The following AGBL1 variants were observed in gnomAD, a reference collection of about 807,000 sequenced individuals.
AGBL1 encodes the protein AGBL carboxypeptidase 1.
In AGBL1, 130 loss-of-function variants were observed where a neutral mutation model predicts 118.9. The observed-to-expected ratio is 1.09, with a 90% CI of 0.95 to 1.26. AGBL1 has a LOEUF of 1.26. Ranked by LOEUF, AGBL1 falls within the 50% of genes most tolerant of loss-of-function variation. The pLI is 0.00. For missense variants in AGBL1, 1,584 were observed against 1,298.1 expected (o/e 1.22, Z -3.38); for synonymous variants, 555 against 478.9 (o/e 1.16, Z -2.08).
chr15:86,845,396 C>T (rs2079304253), intron 22 of AGBL1, among the ~76,000 whole-genome samples: 1 of 152,038 alleles, frequency 6.6e-6, no homozygotes, highest in African/African-American at 2.4e-5. Context: ...CTATTGTTTA[C>T]CGTATGAACT....
intron 22 of AGBL1, among the ~76,000 whole-genome samples, chr15:86,688,676 A>G (rs540457486): frequency 2.0e-5 from 3 of 152,298 alleles, no homozygotes; most frequent in Admixed American, 6.5e-5. Flanking sequence ...GAAATGTTCA[A>G]ACAAACCTGA....
chr15:86,182,420 A>G (rs1418609009), intron 5 of AGBL1, among the ~76,000 whole-genome samples: 1 of 152,010 alleles, frequency 6.6e-6, no homozygotes, highest in Non-Finnish European at 1.5e-5. Context: ...TCTCCCACAA[A>G]GTATCTAACT....
At chr15:86,954,763 T>C (rs2080913875) in intron 23 of AGBL1, among the ~76,000 whole-genome samples, 1 of 152,202 alleles carries the variant, frequency 6.6e-6, no homozygotes, top group Non-Finnish European at 1.5e-5. Flanking sequence ...TACACCCATG[T>C]AACAATCATG....
intron 22 of AGBL1, among the ~76,000 whole-genome samples, chr15:86,718,536 TAAGAA>T (rs1282475467): frequency 6.6e-6 from 1 of 151,422 alleles, no homozygotes; most frequent in African/African-American, 2.4e-5. Context: ...AGTGTAATAA[TAAGAA>T]AAAAACCATC....
At chr15:86,296,760 C>T (rs1357081996) in intron 17 of AGBL1, 2 of 152,168 alleles carry the variant, frequency 1.3e-5, no homozygotes, top group African/African-American at 2.4e-5. Flanking sequence ...ATTTCTGTAA[C>T]AGTCACAGAG....
In AGBL1 at chr15:86,141,891, G is replaced by A. The variant is rs2076968283; in HGVS notation, c.52-113G>A. 7 of 1,097,132 alleles carry A rather than the reference G, an allele frequency of 6.4e-6. No homozygotes were observed. In the South Asian group the frequency reaches 9.7e-5, roughly 15 times the overall value. 68.0% of individuals were successfully genotyped at this position (1,097,132 alleles called of 1,614,324 possible). On this transcript the variant is annotated intron_variant, in intron 1 of 22. Coordinates refer to ENST00000614907, the MANE Select transcript of AGBL1 (RefSeq NM_001386094.1). ...TCCCCTTGCCTGTCCTTTCGCTGTAGTTAATCTTTCTCCATGACAGGAAGT... is the reference window on the plus strand; with the variant it reads ...TCCCCTTGCCTGTCCTTTCGCTGTAATTAATCTTTCTCCATGACAGGAAGT...
chr15:86,476,995 G>A (rs1671388547), intron 18 of AGBL1, among the ~76,000 whole-genome samples: 1 of 152,146 alleles, frequency 6.6e-6, no homozygotes, highest in African/African-American at 2.4e-5. Context: ...GTTACATAAT[G>A]AAATGAAGGC....
chr15:86,138,184 C>T (rs150421665), intron 1 of AGBL1: 1 of 152,252 alleles, frequency 6.6e-6, no homozygotes, highest in Non-Finnish European at 1.5e-5. Context: ...ATACTGCAGA[C>T]AGATTCATCC....
At chr15:86,231,177 C>T (rs2078449411) in intron 6 of AGBL1, among the ~76,000 whole-genome samples, 1 of 152,058 alleles carries the variant, frequency 6.6e-6, no homozygotes, top group Admixed American at 6.5e-5. Context: ...CATATTTTTC[C>T]TACTGGGTAT....
intron 21 of AGBL1, among the ~76,000 whole-genome samples, chr15:86,571,176 G>C (rs1231807133): frequency 1.3e-5 from 2 of 152,126 alleles, no homozygotes; most frequent in Non-Finnish European, 2.9e-5. Context: ...CCCCAAAGAT[G>C]GAGTCACATC....
intron 22 of AGBL1, among the ~76,000 whole-genome samples, chr15:86,782,583 A>G (rs913347778): frequency 6.6e-5 from 10 of 152,208 alleles, no homozygotes; most frequent in African/African-American, 2.4e-4. Context: ...AGACACAAAA[A>G]TATGAGTGAA....
At chr15:86,213,793 T>C (rs572356877) in intron 5 of AGBL1, among the ~76,000 whole-genome samples, 3 of 152,304 alleles carry the variant, frequency 2.0e-5, no homozygotes, top group South Asian at 4.1e-4. Flanking sequence ...TTTAAAACCT[T>C]TTAAAGTGTA....
In AGBL1 at chr15:86,821,745, G is replaced by T. The variant is rs545173566; in HGVS notation, c.3159-85342G>T. ...CCTGTGGTAGTACTGATGGTATTAT[G>T]AGTCTTATTTTGTATAATTCTTAAA... On this transcript the variant is annotated intron_variant, in intron 22 of 22. Coordinates refer to ENST00000614907, the MANE Select transcript of AGBL1 (RefSeq NM_001386094.1). Among the ~76,000 whole-genome samples the T allele has an allele frequency of 2.6e-5, 4 of 152,208 alleles. No homozygotes were observed. The South Asian group carries it at 8.3e-4, about 32-fold the overall frequency.
intron 22 of AGBL1, among the ~76,000 whole-genome samples, chr15:86,722,946 A>T (rs373156018): frequency 6.6e-6 from 1 of 152,226 alleles, no homozygotes; most frequent in Non-Finnish European, 1.5e-5. Context: ...AATCAAAACC[A>T]CAATGAGATA....
chr15:86,763,420 G>A (rs1383314233), intron 22 of AGBL1, among the ~76,000 whole-genome samples: 1 of 151,708 alleles, frequency 6.6e-6, no homozygotes, highest in Non-Finnish European at 1.5e-5. Context: ...CAACAAATTA[G>A]GAAAAAAATT....
chr15:86,540,514 G>C (rs1238523222), intron 19 of AGBL1, among the ~76,000 whole-genome samples: 1 of 152,102 alleles, frequency 6.6e-6, no homozygotes, highest in African/African-American at 2.4e-5. Flanking sequence ...AGAATTGCTT[G>C]AACCTGGGAC....
At chr15:86,549,182 CG>C (rs1433683171) in intron 20 of AGBL1, among the ~76,000 whole-genome samples, 2 of 151,928 alleles carry the variant, frequency 1.3e-5, no homozygotes, top group Non-Finnish European at 2.9e-5. Flanking sequence ...TAAACTATAT[CG>C]TATGGATTAT....
intron 18 of AGBL1, among the ~76,000 whole-genome samples, chr15:86,439,078 T>A (rs1400349425): frequency 6.6e-6 from 1 of 152,152 alleles, no homozygotes; most frequent in African/African-American, 2.4e-5. Context: ...TAGGGAATGC[T>A]GATGGGTGGA....
At chr15:86,608,806 A>G (rs186406817) in intron 21 of AGBL1, among the ~76,000 whole-genome samples, 1 of 152,106 alleles carries the variant, frequency 6.6e-6, no homozygotes, top group African/African-American at 2.4e-5. Flanking sequence ...ATTTAATGTA[A>G]AATCTCCTAA....
Sources: allele counts gnomAD v4.1 joint callset (sites outside exome capture counted in the v4.1 genomes callset), GRCh38; gene constraint gnomAD v4.1.1; transcripts MANE v1.5; gene names NCBI Gene and HGNC (gene_info 2026-07-23, HGNC 2026-07-21).